The following RGSL1 variants were observed in gnomAD, a reference collection of about 807,000 sequenced individuals.
RGSL1 encodes regulator of G protein signaling like 1.
RGSL1 carries 97 observed loss-of-function variants against 124.7 expected under a neutral mutation model. That is an observed-to-expected ratio of 0.78 (90% CI 0.66 to 0.92). The LOEUF (loss-of-function observed/expected upper bound fraction) is 0.92, where lower values mean the gene tolerates loss of function less well. Ranked by LOEUF, RGSL1 falls within the 40% of genes least tolerant of loss-of-function variation. RGSL1 has a pLI of 0.00. For synonymous variants in RGSL1, 424 were observed against 438.1 expected, an observed-to-expected ratio of 0.97 and a Z score of 0.40; for missense variants, 1,233 against 1,288.4, an observed-to-expected ratio of 0.96 and a Z score of 0.66.
At chr1:182,548,206 C>A in intron 15 of RGSL1, 111 bp from the exon 16 acceptor site, 1 of 1,126,548 alleles carries the variant, frequency 8.9e-7, no homozygotes, top group Non-Finnish European at 1.3e-6. Context: ...ACAACCTGGC[C>A]TAGAACTGGC....
chr1:182,515,687 A>T (rs897536849), intron 9 of RGSL1, among the ~76,000 whole-genome samples: 2 of 152,130 alleles, frequency 1.3e-5, no homozygotes, highest in Non-Finnish European at 2.9e-5. Flanking sequence ...CTCCGCCGGC[A>T]CGGCAAACAG....
intron 8 of RGSL1, among the ~76,000 whole-genome samples, chr1:182,490,475 T>C (rs1172301687): frequency 2.6e-5 from 4 of 152,236 alleles, no homozygotes; most frequent in African/African-American, 9.6e-5. Flanking sequence ...CAAGATGCCC[T>C]GGATGCCTGT....
chr1:182,465,742 A>G (rs1023600682), intron 4 of RGSL1, among the ~76,000 whole-genome samples: 7 of 152,190 alleles, frequency 4.6e-5, no homozygotes, highest in African/African-American at 1.7e-4. Flanking sequence ...CATTTAAAGA[A>G]GAATTAATAC....
At chr1:182,466,403 A>G (rs1234823206) in intron 4 of RGSL1, among the ~76,000 whole-genome samples, 3 of 152,176 alleles carry the variant, frequency 2.0e-5, no homozygotes, top group African/African-American at 7.2e-5. Flanking sequence ...ATAATGTAGT[A>G]TTTTGTAGAA....
chr1:182,454,918 GTATATA>G (rs553869874), intron 2 of RGSL1, among the ~76,000 whole-genome samples: 136 of 152,192 alleles, frequency 8.9e-4, no homozygotes, highest in African/African-American at 3.2e-3. Context: ...CCATAAGATG[GTATATA>G]CTAAAAGGCG....
chr1:182,527,557 A>G (rs1280516321), intron 10 of RGSL1, 22 bp from the exon 11 acceptor site: 2 of 1,530,846 alleles, frequency 1.3e-6, no homozygotes, highest in South Asian at 1.2e-5. Context: ...CTCTCTACCA[A>G]AGATGCTTTC....
chr1:182,472,571 A>T lies in RGSL1; in HGVS notation c.463+14A>T. The T allele has an allele frequency of 6.6e-7, 1 of 1,507,214 alleles. No homozygotes were observed. Among genetic ancestry groups the T allele is most frequent in the Non-Finnish European group, 9.0e-7 (1 of 1,116,778 alleles). The allele number at this position is 1,507,214 out of a possible 1,614,324, so 93.4% of individuals were successfully genotyped here. ...ACATGAACATCAGTAAGAATTATAA[A>T]GCATCTTTTTGGGGGGATGCAACAA... On this transcript the variant is annotated intron_variant, in intron 5 of 21. Transcript: ENST00000294854.
chr1:182,464,541 T>C (rs948343531), intron 4 of RGSL1, among the ~76,000 whole-genome samples: 4 of 151,936 alleles, frequency 2.6e-5, no homozygotes, highest in Non-Finnish European at 5.9e-5. Flanking sequence ...CTGGCCAACA[T>C]GGTGAAAACC....
chr1:182,554,347 G>T (rs1445935061), intron 19 of RGSL1, among the ~76,000 whole-genome samples: 2 of 152,156 alleles, frequency 1.3e-5, no homozygotes, highest in Non-Finnish European at 2.9e-5. Context: ...CATCTGCCCT[G>T]ATCTCCTATT....
At chr1:182,535,569 A>G (rs185694788) in intron 14 of RGSL1, among the ~76,000 whole-genome samples, 1 of 152,182 alleles carries the variant, frequency 6.6e-6, no homozygotes, top group Non-Finnish European at 1.5e-5. Flanking sequence ...ATTCTCCTGC[A>G]TCATTTTTAT....
At chr1:182,459,155 T>C (rs770827001) in intron 3 of RGSL1, among the ~76,000 whole-genome samples, 4 of 152,226 alleles carry the variant, frequency 2.6e-5, no homozygotes, top group Non-Finnish European at 5.9e-5. Flanking sequence ...CATTATCAGA[T>C]ATACATCAAG....
chr1:182,515,165 A>AT (rs999541784), intron 9 of RGSL1, among the ~76,000 whole-genome samples: 1 of 152,118 alleles, frequency 6.6e-6, no homozygotes. Flanking sequence ...GAAAATAGGA[A>AT]TTGTTCGCAC....
intron 15 of RGSL1, among the ~76,000 whole-genome samples, chr1:182,545,797 T>C (rs980957564): frequency 1.3e-5 from 2 of 152,166 alleles, no homozygotes; most frequent in African/African-American, 4.8e-5. Context: ...CCAGGTGAAT[T>C]GGAGCTTCTT....
intron 10 of RGSL1, among the ~76,000 whole-genome samples, 155 bp from the exon 11 acceptor site, chr1:182,527,424 G>A (rs1172704594): frequency 1.3e-5 from 2 of 152,152 alleles, no homozygotes; most frequent in Non-Finnish European, 2.9e-5. Context: ...AATCACCAAA[G>A]AAATAGACAG....
At position 182,550,897 on chromosome 1, in the gene RGSL1, G is replaced by A. The variant is rs112269912; in HGVS notation, c.2934-203G>A. ...AACAAACTGCCCATGCCAGGCCCGC[G>A]CTGGAGCCAGGTCTGGACAAAGAGG... On this transcript the variant is annotated intron_variant, in intron 17 of 21. Transcript: ENST00000294854. The A allele has an allele frequency of 4.0e-3, 2,221 of 560,962 alleles. 47 individuals are homozygous for A. The highest frequency in any genetic ancestry group is 0.037 in the African/African-American group (1,950 of 52,996). The allele number at this position is 560,962 out of a possible 1,614,324, so 34.7% of individuals were successfully genotyped here.
In RGSL1 at chr1:182,538,459, C is replaced by T. The variant is rs146215026; in HGVS notation, c.2495-1788C>T. On this transcript the variant is annotated intron_variant, in intron 14 of 21. Transcript: ENST00000294854. ...AGGAGAATTGCTTGAACCCAGGAAG[C>T]GGAGCTTGCAATGAGCTGAGATCGT... is the stretch of plus-strand genomic sequence containing the variant. 8.0e-3 allele frequency among the ~76,000 whole-genome samples: 1,207 copies of T among 151,794 alleles called. 21 individuals carry two copies. Among genetic ancestry groups the T allele is most frequent in the African/African-American group, 0.028 (1,154 of 41,384 alleles).
In RGSL1 at chr1:182,505,930, C is replaced by T. The variant is rs184635620; in HGVS notation, c.1825+12801C>T. On this transcript the variant is annotated intron_variant, in intron 9 of 21. Coordinates refer to ENST00000294854, the MANE Select transcript of RGSL1 (RefSeq NM_001137669.2). ...CCTTTGATACACACAATTATGTCCT[C>T]TGTGAATAAAGAGTTTCATTTTTTA... Among the ~76,000 whole-genome samples, 3 of 152,282 alleles carry T rather than the reference C, an allele frequency of 2.0e-5. No homozygotes were observed. In the East Asian group the frequency reaches 5.8e-4, roughly 29 times the overall value.
At chr1:182,508,668 ATTTGTTTTTT>A (rs1306278866) in intron 9 of RGSL1, among the ~76,000 whole-genome samples, 1,916 of 134,258 alleles carry the variant, frequency 0.014, 42 homozygotes, top group African/African-American at 0.049. Context: ...CCTATTGACT[ATTTGTTTTTT>A]TTTTTTTTTT....
intron 14 of RGSL1, among the ~76,000 whole-genome samples, chr1:182,534,855 G>A (rs1659432266): frequency 6.6e-6 from 1 of 151,896 alleles, no homozygotes. Context: ...TAGATCTTTT[G>A]TTTCTTCTTT....
Sources: allele counts gnomAD v4.1 joint callset (sites outside exome capture counted in the v4.1 genomes callset), GRCh38; gene constraint gnomAD v4.1.1; transcripts MANE v1.5; gene names NCBI Gene and HGNC (gene_info 2026-07-23, HGNC 2026-07-21).